The following GFPT2 variants were observed in gnomAD, a reference collection of about 807,000 sequenced individuals.
GFPT2 encodes glutamine--fructose-6-phosphate aminotransferase [isomerizing] 2.
Under a neutral mutation model 85.6 loss-of-function variants are expected in GFPT2, and 62 were observed. The observed-to-expected ratio is 0.72, with a 90% CI of 0.59 to 0.90. The LOEUF (loss-of-function observed/expected upper bound fraction) is 0.90, where lower values mean the gene tolerates loss of function less well. Ranked by LOEUF, GFPT2 falls within the 40% of genes least tolerant of loss-of-function variation. The pLI, the probability that GFPT2 is intolerant of heterozygous loss-of-function variation, is 0.00. For synonymous variants in GFPT2, 368 were observed against 344.5 expected (o/e 1.07, Z -0.75); for missense variants, 788 against 893.4 (o/e 0.88, Z 1.50).
chr5:180,341,845 C>T (rs558459705), intron 1 of GFPT2, among the ~76,000 whole-genome samples: 10 of 152,318 alleles, frequency 6.6e-5, no homozygotes, highest in African/African-American at 2.4e-4. Context: ...TCCAGAGGCT[C>T]ACACGACAGC....
intron 16 of GFPT2, among the ~76,000 whole-genome samples, chr5:180,306,724 A>T (rs1042461025): frequency 2.0e-5 from 3 of 152,228 alleles, no homozygotes; most frequent in Non-Finnish European, 4.4e-5. Flanking sequence ...GGTGGAAAAA[A>T]GCGAAGGCCC....
chr5:180,329,273 C>T (rs1470149465), intron 6 of GFPT2, among the ~76,000 whole-genome samples: 1 of 152,162 alleles, frequency 6.6e-6, no homozygotes, highest in Non-Finnish European at 1.5e-5. Context: ...GAGTCACCGT[C>T]CCCAGGCCTC....
chr5:180,314,064 CCCGAGA>C, intron 13 of GFPT2, 100 bp from the exon 14 acceptor site: 2 of 1,198,668 alleles, frequency 1.7e-6, no homozygotes, highest in Middle Eastern at 2.9e-4. Context: ...GAAATCGGCG[CCCGAGA>C]CACAGCCAGC....
chr5:180,341,131 T>C (rs1388143058), intron 1 of GFPT2, among the ~76,000 whole-genome samples: 1 of 151,980 alleles, frequency 6.6e-6, no homozygotes, highest in African/African-American at 2.4e-5. Context: ...AGAGCCAGAG[T>C]GGAACCAAGA....
At chr5:180,305,054 G>C in intron 16 of GFPT2, 115 bp from the exon 17 acceptor site, 1 of 756,098 alleles carries the variant, frequency 1.3e-6, no homozygotes, top group African/African-American at 1.7e-5. Context: ...AGAGAGCCAA[G>C]GGTTGCAAGG....
At chr5:180,346,583 T>G (rs1764613057) in intron 1 of GFPT2, among the ~76,000 whole-genome samples, 1 of 152,236 alleles carries the variant, frequency 6.6e-6, no homozygotes, top group African/African-American at 2.4e-5. Flanking sequence ...CTGTCTGGCC[T>G]GAGCCCGCCT....
intron 17 of GFPT2, among the ~76,000 whole-genome samples, chr5:180,304,100 G>A (rs961550815): frequency 4.6e-5 from 7 of 152,152 alleles, no homozygotes; most frequent in South Asian, 2.1e-4. Flanking sequence ...GCAGCTCAGG[G>A]GAGCTCCCGG....
chr5:180,321,555 T>C lies in GFPT2; in HGVS notation c.795-2599A>G, dbSNP rs775095753. 1.8e-4 allele frequency among the ~76,000 whole-genome samples: 28 copies of C among 152,230 alleles called. 1 individual carries two copies. The highest frequency in any genetic ancestry group is 3.1e-4 in the Non-Finnish European group (21 of 68,036). On this transcript the variant is annotated intron_variant, in intron 9 of 18. Transcript: ENST00000253778. ...GCCTTCCCCAGAGGTCTGTCATGAT[T>C]ATCGCATGGGATCCTGGTGAGGCTC...
At chr5:180,313,697 A>G in intron 14 of GFPT2, 110 bp downstream of exon 14, 1 of 806,716 alleles carries the variant, frequency 1.2e-6, no homozygotes. Flanking sequence ...TGAGGCGGGA[A>G]GGGGAAAGAA....
At chr5:180,343,234 C>T (rs191206486) in intron 1 of GFPT2, among the ~76,000 whole-genome samples, 3 of 152,204 alleles carry the variant, frequency 2.0e-5, no homozygotes, top group East Asian at 3.9e-4. Context: ...GCAACTCCCC[C>T]CTGCAGCTCC....
chr5:180,315,181 C>CT (rs536865519), intron 13 of GFPT2, among the ~76,000 whole-genome samples: 2,939 of 144,078 alleles, frequency 0.02, 79 homozygotes, highest in African/African-American at 0.057. Flanking sequence ...TTTTCTTTTT[C>CT]TTTTTTTTTT....
chr5:180,345,475 T>A (rs1299823445), intron 1 of GFPT2, among the ~76,000 whole-genome samples: 1 of 152,242 alleles, frequency 6.6e-6, no homozygotes, highest in African/African-American at 2.4e-5. Flanking sequence ...AGTAGGCAGC[T>A]CTTTGCAAGG....
chr5:180,336,257 G>A (rs1581385868), intron 3 of GFPT2: 3 of 600,588 alleles, frequency 5.0e-6, no homozygotes, highest in East Asian at 2.8e-5. Flanking sequence ...ACTACTGTAT[G>A]TAACCCTTCA....
intron 15 of GFPT2, among the ~76,000 whole-genome samples, chr5:180,308,891 A>G (rs1763825554): frequency 6.7e-6 from 1 of 148,770 alleles, no homozygotes; most frequent in Non-Finnish European, 1.5e-5. Flanking sequence ...TTTTTTTGAG[A>G]CAGAGTCTCA....
In GFPT2 at chr5:180,317,117, T is replaced by C. The variant is rs78165251; in HGVS notation, c.959-59A>G. 2.2e-3 allele frequency: 2,419 copies of C among 1,083,176 alleles called. 44 individuals carry two copies. The African/African-American group carries it at 0.033, about 15-fold the overall frequency. 67.1% of individuals were successfully genotyped at this position (1,083,176 alleles called of 1,614,324 possible). A position where few individuals can be genotyped will look rare whatever the true frequency, so the allele number is the denominator to read the frequency against. On this transcript the variant is annotated intron_variant, in intron 10 of 18. Transcript: ENST00000253778. ...CATTATATTTCACTGCTTTTCATTA[T>C]GCAGCAGCGATAGTAACTCCTGTAA...
chr5:180,347,829 G>A (rs1236664059), intron 1 of GFPT2, among the ~76,000 whole-genome samples: 2 of 152,152 alleles, frequency 1.3e-5, no homozygotes, highest in Non-Finnish European at 2.9e-5. Flanking sequence ...GGGGGTGGAG[G>A]GGAGGGATGA....
At chr5:180,343,182 T>C (rs745729393) in intron 1 of GFPT2, among the ~76,000 whole-genome samples, 5 of 152,344 alleles carry the variant, frequency 3.3e-5, no homozygotes, top group Admixed American at 3.3e-4. Context: ...GAAAAGGTTT[T>C]GCATCTGAAT....
chr5:180,340,848 G>A (rs574632091), intron 1 of GFPT2, among the ~76,000 whole-genome samples: 4 of 152,076 alleles, frequency 2.6e-5, no homozygotes, highest in African/African-American at 9.7e-5. Context: ...CATCCCATTC[G>A]TGAGGCCCAT....
rs1396976621 is a variant in GFPT2 at position 180,316,432 on chromosome 5, C to T, written c.1182G>A (p.Glu394=). The change falls in exon 13 of 19, where the codon GAG becomes GAA. Residue 394 remains glutamate, a synonymous_variant. Coordinates refer to ENST00000253778, the MANE Select transcript of GFPT2 (RefSeq NM_005110.4). ...ATRQVLEELT[E]LPVMVELASD... Reference sequence around the variant, plus strand: ...TAGCAAGTTCAACCATCACAGGAAGCTCAGTCAGTTCCTCCAAAACTTGCC... The same window carrying T: ...TAGCAAGTTCAACCATCACAGGAAGTTCAGTCAGTTCCTCCAAAACTTGCC... 8.7e-6 allele frequency: 14 copies of T among 1,614,010 alleles called. No individual in the cohort carries two copies. The highest frequency in any genetic ancestry group is 1.2e-5 in the Non-Finnish European group (14 of 1,179,856).
Sources: gnomAD v4.1 joint callset for allele counts (sites outside exome capture counted in the v4.1 genomes callset) on GRCh38, gnomAD v4.1.1 for gene constraint, MANE v1.5 for transcripts, NCBI Gene and HGNC (gene_info 2026-07-23, HGNC 2026-07-21) for gene names.